HSD17B12: variants seen among roughly 807,000 people sequenced by gnomAD.
HSD17B12 encodes the protein very-long-chain 3-oxoacyl-CoA reductase.
A neutral mutation model predicts 39.3 loss-of-function variants in HSD17B12; 32 were observed. That is an observed-to-expected ratio of 0.81 (90% CI 0.61 to 1.09). The LOEUF (loss-of-function observed/expected upper bound fraction) is 1.09, where lower values mean the gene tolerates loss of function less well. Among genes scored for constraint, HSD17B12 ranks in the 50% least tolerant of loss-of-function variants. HSD17B12 has a pLI of 0.00. For synonymous variants in HSD17B12, 150 were observed against 146.7 expected (o/e 1.02, Z -0.16); for missense variants, 342 against 382.9 (o/e 0.89, Z 0.89).
intron 3 of HSD17B12, chr11:43,755,578 A>T (rs953098780): frequency 6.6e-6 from 1 of 152,222 alleles, no homozygotes; most frequent in African/African-American, 2.4e-5. Context: ...CAGCTAACAG[A>T]TCGTCCAAAT....
rs958637752 is a variant in HSD17B12 at position 43,680,883 on chromosome 11, T to G, written c.56T>G (p.Val19Gly). Reference protein sequence around the residue: ...GFLYWVGAGTVAYLALRISYS... With the variant: ...GFLYWVGAGTGAYLALRISYS... ...CTGTACTGGGTCGGCGCGGGCACCG[T>G]GGCCTACCTAGCCCTGCGTATTTCG... Residue 19 changes from valine (V) to glycine (G), a missense_variant, in exon 1 of 11, where the codon GTG (valine) becomes GGG (glycine). Transcript: ENST00000278353. 2 of 1,614,016 alleles carry G rather than the reference T, an allele frequency of 1.2e-6. No individual in the cohort carries two copies. Among genetic ancestry groups the G allele is most frequent in the Non-Finnish European group, 1.7e-6 (2 of 1,179,990 alleles).
intron 1 of HSD17B12, among the ~76,000 whole-genome samples, chr11:43,687,872 G>C (rs1339744285): frequency 6.6e-6 from 1 of 152,220 alleles, no homozygotes; most frequent in Non-Finnish European, 1.5e-5. Context: ...CACAGAGATA[G>C]ATCAGTCTAG....
chr11:43,616,755 C>A, the HSD17B12 span, among the ~76,000 whole-genome samples: 1 of 139,466 alleles, frequency 7.2e-6, no homozygotes, highest in Non-Finnish European at 1.5e-5. Context: ...ATTAGAGAAC[C>A]ATCTTCTTAT....
rs148353247 is a variant in HSD17B12 at position 43,780,896 on chromosome 11, T to A, written c.284-17424T>A. ...TGATTTGTTTTACATACTTTATTTT[T>A]TATATATATTATAACAGATATGTAT... On this transcript the variant is annotated intron_variant, in intron 3 of 10. Coordinates refer to ENST00000278353, the MANE Select transcript of HSD17B12 (RefSeq NM_016142.3). Among the ~76,000 whole-genome samples the A allele has an allele frequency of 1.6e-3, 250 of 152,266 alleles. 1 individual carries two copies. Among genetic ancestry groups the A allele is most frequent in the African/African-American group, 5.7e-3 (236 of 41,564 alleles).
intron 1 of HSD17B12, among the ~76,000 whole-genome samples, chr11:43,719,882 A>T (rs994297905): frequency 6.6e-6 from 1 of 152,102 alleles, no homozygotes; most frequent in African/African-American, 2.4e-5. Flanking sequence ...TTTAGTCCAA[A>T]CTGGTGGTAC....
the HSD17B12 span, among the ~76,000 whole-genome samples, chr11:43,641,512 T>C: frequency 1.3e-5 from 2 of 152,138 alleles, no homozygotes; most frequent in African/African-American, 4.8e-5. Flanking sequence ...GAATTAAAGT[T>C]AATTAAGATT....
In HSD17B12 at chr11:43,805,659, G is replaced by A. The variant is rs545493033; in HGVS notation, c.391+7232G>A. Among the ~76,000 whole-genome samples the A allele has an allele frequency of 6.6e-5, 10 of 152,236 alleles. No individual in the cohort carries two copies. The South Asian group carries it at 2.1e-3, about 32-fold the overall frequency. On this transcript the variant is annotated intron_variant, in intron 4 of 10. Transcript: ENST00000278353. ...CATGGGATGATTGTTTGGGAAAAGG[G>A]CAGGATATAACTTTTGTGCTTTCTA... is the stretch of plus-strand genomic sequence containing the variant.
At chr11:43,824,647 C>CCCA (rs1467511454) in intron 6 of HSD17B12, among the ~76,000 whole-genome samples, 1 of 152,138 alleles carries the variant, frequency 6.6e-6, no homozygotes, top group Admixed American at 6.5e-5. Context: ...TCTCAAAGGC[C>CCCA]CCACCCTCCT....
chr11:43,628,043 T>A, the HSD17B12 span, among the ~76,000 whole-genome samples: 1 of 151,320 alleles, frequency 6.6e-6, no homozygotes, highest in Non-Finnish European at 1.5e-5. Context: ...TTCTTTTTTC[T>A]TTTTTTCTTT....
chr11:43,615,755 A>C, the HSD17B12 span, among the ~76,000 whole-genome samples: 3 of 152,222 alleles, frequency 2.0e-5, no homozygotes, highest in Admixed American at 2.0e-4. Context: ...TAATTACTCC[A>C]TCACAGCTGA....
chr11:43,811,652 G>T (rs1206776909), intron 4 of HSD17B12, among the ~76,000 whole-genome samples: 1 of 151,928 alleles, frequency 6.6e-6, no homozygotes, highest in Non-Finnish European at 1.5e-5. Context: ...ACATGCATAG[G>T]ATGTGTAATG....
chr11:43,713,958 A>C (rs575269509), intron 1 of HSD17B12, among the ~76,000 whole-genome samples: 1 of 152,174 alleles, frequency 6.6e-6, no homozygotes, highest in South Asian at 2.1e-4. Flanking sequence ...TCCTTCACCC[A>C]CTTGTTGATG....
chr11:43,565,453 A>T, the HSD17B12 span, among the ~76,000 whole-genome samples: 3 of 152,178 alleles, frequency 2.0e-5, no homozygotes. Context: ...GCTGGTCCAA[A>T]CCCCAGTGAG....
intron 3 of HSD17B12, among the ~76,000 whole-genome samples, chr11:43,782,674 C>CA (rs35805476): frequency 0.39 from 40,103 of 103,966 alleles, 6,831 homozygotes; most frequent in East Asian, 0.68. Flanking sequence ...GACTCTGTCT[C>CA]AAAAAAAAAA....
intron 7 of HSD17B12, among the ~76,000 whole-genome samples, chr11:43,836,205 G>T (rs1337978159): frequency 6.6e-6 from 1 of 152,160 alleles, no homozygotes; most frequent in Non-Finnish European, 1.5e-5. Context: ...TGCAGCTTCA[G>T]TGGAAAGCCT....
intron 3 of HSD17B12, among the ~76,000 whole-genome samples, chr11:43,791,363 C>T (rs1950866057): frequency 6.6e-6 from 1 of 152,022 alleles, no homozygotes; most frequent in African/African-American, 2.4e-5. Context: ...AAAACCCTGT[C>T]TCTACTAAAA....
At chr11:43,732,683 G>A (rs1486614171) in intron 1 of HSD17B12, among the ~76,000 whole-genome samples, 1 of 151,952 alleles carries the variant, frequency 6.6e-6, no homozygotes, top group South Asian at 2.1e-4. Flanking sequence ...GGCTGGTCTC[G>A]AACTCCTGGT....
chr11:43,809,511 A>G (rs1338141930), intron 4 of HSD17B12, among the ~76,000 whole-genome samples: 6 of 152,204 alleles, frequency 3.9e-5, no homozygotes, highest in Admixed American at 6.5e-5. Context: ...GTGAGGTAGC[A>G]GCATTTTTTA....
the HSD17B12 span, among the ~76,000 whole-genome samples, chr11:43,590,051 C>A: frequency 1.3e-5 from 2 of 152,166 alleles, no homozygotes; most frequent in Non-Finnish European, 2.9e-5. Flanking sequence ...CAAGTTCCTG[C>A]AGATCCAGGT....
Sources: allele counts gnomAD v4.1 joint callset (sites outside exome capture counted in the v4.1 genomes callset), GRCh38; gene constraint gnomAD v4.1.1; transcripts MANE v1.5; gene names NCBI Gene and HGNC (gene_info 2026-07-23, HGNC 2026-07-21).